Variants in DSE observed in about 807,000 individuals in gnomAD.
The protein encoded by DSE is dermatan sulfate epimerase.
In DSE, 36 loss-of-function variants were observed where a neutral mutation model predicts 84.4. The ratio of observed to expected loss-of-function variants is 0.43; its 90% CI spans 0.33 to 0.56. DSE has a LOEUF of 0.56. Ranked by LOEUF, DSE falls within the 20% of genes least tolerant of loss-of-function variation. The pLI, the probability that DSE is intolerant of heterozygous loss-of-function variation, is 0.06. For synonymous variants in DSE, 410 were observed against 430.1 expected, an observed-to-expected ratio of 0.95 and a Z score of 0.58; for missense variants, 862 against 1,169.6, an observed-to-expected ratio of 0.74 and a Z score of 3.84.
intron 2 of DSE, among the ~76,000 whole-genome samples, chr6:116,411,550 G>A (rs1782354712): frequency 6.6e-6 from 1 of 151,912 alleles, no homozygotes; most frequent in Admixed American, 6.6e-5. Flanking sequence ...TAACAACTTA[G>A]TGAGCAATTT....
chr6:116,350,419 C>G (rs1393056027), intron 2 of DSE, among the ~76,000 whole-genome samples: 1 of 152,136 alleles, frequency 6.6e-6, no homozygotes, highest in Admixed American at 6.6e-5. Context: ...GAACTTGTAT[C>G]TCTTCTTTTC....
rs1582911070 is a variant in DSE, at chr6:116,267,348, T to C, written c.-54+8381T>C. On this transcript the variant is annotated intron_variant, in intron 2 of 3. Coordinates refer to the DSE transcript ENST00000430252. ...CTTCTATTGGGACAAGATGTTGAGG[T>C]AGAAGACAGTGATATTGATAATCGG... 2.0e-5 allele frequency among the ~76,000 whole-genome samples: 3 copies of C among 152,224 alleles called. No individual in the cohort carries two copies. In the East Asian group the frequency reaches 5.8e-4, roughly 29 times the overall value.
intron 2 of DSE, among the ~76,000 whole-genome samples, chr6:116,357,138 G>A (rs1317622367): frequency 6.6e-6 from 1 of 152,056 alleles, no homozygotes; most frequent in African/African-American, 2.4e-5. Context: ...GGTTTTCTCT[G>A]GCATCCAGAG....
At chr6:116,358,064 C>T (rs529146748) in intron 2 of DSE, among the ~76,000 whole-genome samples, 2 of 152,284 alleles carry the variant, frequency 1.3e-5, no homozygotes, top group African/African-American at 4.8e-5. Flanking sequence ...CTTTCAATTT[C>T]AGTCCTTTAC....
chr6:116,398,402 A>G (rs188218209), intron 1 of DSE, among the ~76,000 whole-genome samples: 2,625 of 152,352 alleles, frequency 0.017, 39 homozygotes, highest in Non-Finnish European at 0.028. Context: ...GAATGACACC[A>G]AAATCCCATA....
At chr6:116,409,011 T>C (rs1374262970) in intron 2 of DSE, among the ~76,000 whole-genome samples, 1 of 152,242 alleles carries the variant, frequency 6.6e-6, no homozygotes. Flanking sequence ...ATTACATTTA[T>C]GAGCTGTGTG....
At chr6:116,365,504 C>T (rs1222287708), upstream of DSE, among the ~76,000 whole-genome samples, 2 of 150,196 alleles carry the variant, frequency 1.3e-5, no homozygotes, top group Admixed American at 6.6e-5. Flanking sequence ...CTGCCCATCT[C>T]GGCCTCCCAA....
chr6:116,390,797 C>CT (rs758312486), intron 1 of DSE, among the ~76,000 whole-genome samples: 1 of 152,152 alleles, frequency 6.6e-6, no homozygotes, highest in Non-Finnish European at 1.5e-5. Flanking sequence ...CCCCAGTACT[C>CT]TCATAAGTGA....
chr6:116,370,737 G>A (rs948744658), upstream of DSE: 70 of 858,512 alleles, frequency 8.2e-5, no homozygotes, highest in Non-Finnish European at 9.7e-5. Flanking sequence ...GGCGAGTCCC[G>A]GGAGAGGAGG....
At chr6:116,282,583 G>A (rs1401705911) in intron 2 of DSE, among the ~76,000 whole-genome samples, 1 of 152,044 alleles carries the variant, frequency 6.6e-6, no homozygotes, top group Non-Finnish European at 1.5e-5. Context: ...TCTTCTTGTC[G>A]AACATGTATA....
At chr6:116,418,136 A>C (rs1162298941) in intron 2 of DSE, among the ~76,000 whole-genome samples, 3 of 152,160 alleles carry the variant, frequency 2.0e-5, no homozygotes, top group Admixed American at 6.5e-5. Context: ...TCCCACAGAG[A>C]CTGAAAGACA....
chr6:116,369,986 C>T, upstream of DSE: 1 of 1,280,278 alleles, frequency 7.8e-7, no homozygotes, highest in Non-Finnish European at 1.0e-6. Flanking sequence ...GTTACTTGCA[C>T]ACACTGGGTG....
chr6:116,282,283 A>G (rs1582936331), intron 2 of DSE, among the ~76,000 whole-genome samples: 1 of 152,226 alleles, frequency 6.6e-6, no homozygotes, highest in East Asian at 1.9e-4. Context: ...TTGCCATGAA[A>G]TCATCTTCTA....
rs148311424 is a variant in DSE, at chr6:116,437,234, T to C, written c.2766T>C (p.Tyr922=). 2.0e-5 allele frequency: 33 copies of C among 1,614,138 alleles called. No individual in the cohort carries two copies. The highest frequency in any genetic ancestry group is 2.5e-5 in the Non-Finnish European group (29 of 1,180,002). ...FFVMLAMQLT[Y]FQRAQSLHGQ... ...TCATGTTGGCAATGCAACTGACTTA[T>C]TTCCAGAGGGCCCAGAGCCTACATG... The change falls in exon 6 of 6, where the codon TAT becomes TAC. Residue 922 remains tyrosine, a synonymous_variant. Coordinates refer to ENST00000644252, the MANE Select transcript of DSE (RefSeq NM_013352.4).
At chr6:116,398,647 A>G (rs907292882) in intron 1 of DSE, among the ~76,000 whole-genome samples, 8 of 152,210 alleles carry the variant, frequency 5.3e-5, no homozygotes, top group African/African-American at 1.7e-4. Context: ...TTCTGCTCAC[A>G]TAAAGAGGAT....
intron 2 of DSE, among the ~76,000 whole-genome samples, chr6:116,339,884 A>C (rs1214122759): frequency 6.6e-6 from 1 of 152,238 alleles, no homozygotes; most frequent in African/African-American, 2.4e-5. Context: ...AGGCAATAGA[A>C]ATATAGAAAC....
intron 2 of DSE, among the ~76,000 whole-genome samples, chr6:116,315,728 A>G (rs1444202799): frequency 6.6e-6 from 1 of 152,172 alleles, no homozygotes; most frequent in Admixed American, 6.5e-5. Context: ...CGGGCTGGGC[A>G]CGGTGGCTCA....
At chr6:116,355,299 C>T (rs1053894343) in intron 2 of DSE, among the ~76,000 whole-genome samples, 5 of 152,222 alleles carry the variant, frequency 3.3e-5, no homozygotes, top group African/African-American at 1.2e-4. Context: ...ATGAGACTCA[C>T]AATTTCTGTG....
intron 2 of DSE, among the ~76,000 whole-genome samples, chr6:116,346,275 C>T (rs1324395539): frequency 2.0e-5 from 3 of 152,112 alleles, no homozygotes; most frequent in Non-Finnish European, 2.9e-5. Context: ...TTTATGAGGC[C>T]AGCATCATCC....
Sources: allele counts gnomAD v4.1 joint callset (sites outside exome capture counted in the v4.1 genomes callset), GRCh38; gene constraint gnomAD v4.1.1; transcripts MANE v1.5; gene names NCBI Gene and HGNC (gene_info 2026-07-23, HGNC 2026-07-21).